Variants in GPBP1 observed in about 807,000 individuals in gnomAD.
GPBP1 encodes the protein GC-rich promoter binding protein 1, also known as vasculin.
Under a neutral mutation model 56.5 loss-of-function variants are expected in GPBP1, and 13 were observed. That is an observed-to-expected ratio of 0.23 (90% CI 0.15 to 0.37). The LOEUF is 0.37. GPBP1 is among the 10% of genes least tolerant of loss of function. The pLI, the probability that GPBP1 is intolerant of heterozygous loss-of-function variation, is 1.00. For missense variants in GPBP1, 477 were observed against 572.3 expected (o/e 0.83, Z 1.70); for synonymous variants, 204 against 188.9 (o/e 1.08, Z -0.66).
At chr5:57,231,412 T>G (rs544034066) in intron 5 of GPBP1, 91 bp downstream of exon 5, 2 of 994,796 alleles carry the variant, frequency 2.0e-6, no homozygotes, top group South Asian at 1.6e-5. Context: ...TATCTGGGAT[T>G]ACAGGCATCC....
intron 2 of GPBP1, among the ~76,000 whole-genome samples, chr5:57,196,678 G>A (rs1157931397): frequency 3.3e-5 from 5 of 151,470 alleles, no homozygotes; most frequent in African/African-American, 1.2e-4. Flanking sequence ...CTGCAACCTC[G>A]ACTTGCTGGG....
chr5:57,264,426 C>G lies in GPBP1; in HGVS notation c.*1674C>G, dbSNP rs1453071516. On this transcript the variant is annotated 3_prime_UTR_variant, in exon 12 of 12. Coordinates refer to ENST00000506184, the MANE Select transcript of GPBP1 (RefSeq NM_022913.4). Reference sequence around the variant, plus strand: ...ATAGATTAATGAAATTTATCAGATACAACCTGTATTTCCAAAAACAAGCTA... The same window carrying G: ...ATAGATTAATGAAATTTATCAGATAGAACCTGTATTTCCAAAAACAAGCTA... 1.3e-5 allele frequency: 2 copies of G among 152,098 alleles called. No individual in the cohort carries two copies. Among genetic ancestry groups the G allele is most frequent in the African/African-American group, 4.8e-5 (2 of 41,436 alleles). 9.4% of individuals were successfully genotyped at this position (152,098 alleles called of 1,614,324 possible). A position where few individuals can be genotyped will look rare whatever the true frequency, so the allele number is the denominator to read the frequency against.
intron 2 of GPBP1, among the ~76,000 whole-genome samples, chr5:57,209,088 G>A (rs922634460): frequency 6.6e-6 from 1 of 152,046 alleles, no homozygotes; most frequent in Non-Finnish European, 1.5e-5. Context: ...ATTTTACTGC[G>A]AATTGAGTTG....
intron 10 of GPBP1, among the ~76,000 whole-genome samples, chr5:57,255,294 C>T (rs1741609126): frequency 6.6e-6 from 1 of 152,028 alleles, no homozygotes; most frequent in African/African-American, 2.4e-5. Flanking sequence ...ATGCTGTTAT[C>T]AGCATCCTTG....
intron 6 of GPBP1, among the ~76,000 whole-genome samples, chr5:57,242,506 G>A (rs984021495): frequency 2.6e-5 from 4 of 152,162 alleles, no homozygotes; most frequent in African/African-American, 9.7e-5. Context: ...TCTTTTTGCA[G>A]TTTTTGAGTC....
intron 2 of GPBP1, among the ~76,000 whole-genome samples, chr5:57,202,218 C>CA (rs1276887434): frequency 6.6e-6 from 1 of 151,524 alleles, no homozygotes; most frequent in East Asian, 2.0e-4. Context: ...CTCCTGGGCC[C>CA]AAGCAGTCGG....
intron 3 of GPBP1, among the ~76,000 whole-genome samples, chr5:57,226,726 ATTCTTTTTTT>A (rs1356741474): frequency 1.1e-4 from 5 of 46,328 alleles, no homozygotes; most frequent in African/African-American, 4.5e-4. Context: ...TAATTTTTGT[ATTCTTTTTTT>A]TTTTTTTTTT....
At chr5:57,199,878 T>C (rs920868477) in intron 2 of GPBP1, among the ~76,000 whole-genome samples, 4 of 152,018 alleles carry the variant, frequency 2.6e-5, no homozygotes, top group African/African-American at 4.8e-5. Flanking sequence ...TGGTGTTTGG[T>C]TGACTAGACC....
intron 10 of GPBP1, among the ~76,000 whole-genome samples, chr5:57,256,797 T>A (rs182272591): frequency 2.4e-4 from 37 of 152,342 alleles, no homozygotes; most frequent in African/African-American, 8.7e-4. Flanking sequence ...CTTGACTGTT[T>A]AAGTAGAATA....
chr5:57,174,472 G>T (rs1027425796), intron 1 of GPBP1, among the ~76,000 whole-genome samples: 1 of 152,160 alleles, frequency 6.6e-6, no homozygotes, highest in Non-Finnish European at 1.5e-5. Flanking sequence ...GGCTTGGTTG[G>T]GGGGTGTTTG....
intron 3 of GPBP1, among the ~76,000 whole-genome samples, chr5:57,223,233 C>G (rs968406495): frequency 6.6e-6 from 1 of 151,970 alleles, no homozygotes; most frequent in Admixed American, 6.6e-5. Flanking sequence ...CGGGACTACA[C>G]GCGTGTGCCA....
At chr5:57,198,576 G>C (rs1177042840) in intron 2 of GPBP1, among the ~76,000 whole-genome samples, 1 of 152,032 alleles carries the variant, frequency 6.6e-6, no homozygotes, top group African/African-American at 2.4e-5. Context: ...TATTAGGCCG[G>C]GCGCAGTCAC....
intron 2 of GPBP1, among the ~76,000 whole-genome samples, chr5:57,193,554 CAGTG>C (rs1242194018): frequency 7.3e-6 from 1 of 137,116 alleles, no homozygotes; most frequent in Non-Finnish European, 1.5e-5. Flanking sequence ...GTGGAGGTTG[CAGTG>C]AGCCAAGATC....
chr5:57,246,343 C>T lies in GPBP1; in HGVS notation c.522C>T (p.Val174=), dbSNP rs1253976683. The part of the protein sequence containing the change: ...NPKSRAPRML[V]IKKGNTKDLQ... ...AATCTAGAGCTCCAAGGATGCTGGT[C>T]ATTAAGAAAGGTAATACAAAAGACT... is the stretch of plus-strand genomic sequence containing the variant. The change falls in exon 7 of 12, where the codon GTC becomes GTT. Residue 174 remains valine, a synonymous_variant. Transcript: ENST00000506184. The T allele has an allele frequency of 1.2e-6, 2 of 1,613,546 alleles. No individual in the cohort carries two copies. Among genetic ancestry groups the T allele is most frequent in the African/African-American group, 2.7e-5 (2 of 74,890 alleles).
At chr5:57,237,377 A>T (rs1740572827) in intron 6 of GPBP1, 1 of 514,648 alleles carries the variant, frequency 1.9e-6, no homozygotes, top group African/African-American at 1.9e-5. Flanking sequence ...TCCTGGGTTG[A>T]TTTAATAATC....
chr5:57,249,196 T>C (rs1741243711), intron 8 of GPBP1: 2 of 442,784 alleles, frequency 4.5e-6, no homozygotes, highest in South Asian at 4.1e-5. Context: ...CTGAGTATTA[T>C]CAGACCTTCA....
chr5:57,202,714 A>C (rs139025807), intron 2 of GPBP1, among the ~76,000 whole-genome samples: 1 of 152,226 alleles, frequency 6.6e-6, no homozygotes, highest in African/African-American at 2.4e-5. Context: ...GCAACATTGC[A>C]TTACAGTTAT....
At chr5:57,223,628 C>G (rs1250839010) in intron 3 of GPBP1, among the ~76,000 whole-genome samples, 1 of 152,066 alleles carries the variant, frequency 6.6e-6, no homozygotes, top group Non-Finnish European at 1.5e-5. Context: ...CTCCACCTTC[C>G]TTACCTCCTC....
intron 3 of GPBP1, among the ~76,000 whole-genome samples, chr5:57,225,037 G>GA (rs2111822096): frequency 6.6e-6 from 1 of 152,160 alleles, no homozygotes; most frequent in Non-Finnish European, 1.5e-5. Flanking sequence ...AAAAGTCTAG[G>GA]TTCAAGTAGG....
Sources: gnomAD v4.1 joint callset for allele counts (sites outside exome capture counted in the v4.1 genomes callset) on GRCh38, gnomAD v4.1.1 for gene constraint, MANE v1.5 for transcripts, NCBI Gene and HGNC (gene_info 2026-07-23, HGNC 2026-07-21) for gene names.